FBXO4: variants seen among roughly 807,000 people sequenced by gnomAD.
FBXO4 encodes F-box protein 4, also known as F-box only protein 4.
A neutral mutation model predicts 43.7 loss-of-function variants in FBXO4; 36 were observed. The observed-to-expected ratio is 0.82, with a 90% CI of 0.63 to 1.09. FBXO4 has a LOEUF of 1.09. Ranked by LOEUF, FBXO4 falls within the 50% of genes least tolerant of loss-of-function variation. The probability of loss-of-function intolerance (pLI) is 0.00; values close to 1 mark genes in which losing one functional copy is unlikely to be tolerated. For synonymous variants in FBXO4, 180 were observed against 165.6 expected (o/e 1.09, Z -0.67); for missense variants, 435 against 474.1 (o/e 0.92, Z 0.77).
the FBXO4 span, among the ~76,000 whole-genome samples, chr5:41,997,544 A>T: frequency 6.6e-6 from 1 of 152,284 alleles, no homozygotes; most frequent in African/African-American, 2.4e-5. Flanking sequence ...GTCTATGCCA[A>T]TTATGCATTC....
the FBXO4 span, among the ~76,000 whole-genome samples, chr5:42,004,047 G>GA: frequency 3.9e-5 from 6 of 152,228 alleles, no homozygotes; most frequent in South Asian, 1.2e-3. Context: ...ATGCAGCCAT[G>GA]AAAAAGGATG....
At chr5:41,946,921 A>G in the FBXO4 span, among the ~76,000 whole-genome samples, 1 of 152,238 alleles carries the variant, frequency 6.6e-6, no homozygotes, top group Non-Finnish European at 1.5e-5. Context: ...CAATGCACCC[A>G]TAATTTCAAT....
the FBXO4 span, chr5:41,952,327 T>C: frequency 6.6e-6 from 1 of 152,202 alleles, no homozygotes; most frequent in Non-Finnish European, 1.5e-5. Context: ...ATTCAGAAGA[T>C]ATATTGATCT....
the FBXO4 span, among the ~76,000 whole-genome samples, chr5:42,015,389 C>T: frequency 6.6e-6 from 1 of 152,128 alleles, no homozygotes; most frequent in Non-Finnish European, 1.5e-5. Flanking sequence ...GAGGAGTTGG[C>T]CCCTGGCACA....
chr5:42,008,665 T>C, the FBXO4 span, among the ~76,000 whole-genome samples: 3 of 152,178 alleles, frequency 2.0e-5, no homozygotes, highest in Non-Finnish European at 2.9e-5. Flanking sequence ...AGAAGTGCCT[T>C]AACATGGATT....
chr5:42,019,084 T>G, the FBXO4 span, among the ~76,000 whole-genome samples: 3 of 152,304 alleles, frequency 2.0e-5, no homozygotes, highest in East Asian at 5.8e-4. Context: ...TTAATTTAAT[T>G]TAATTTCAGT....
At chr5:42,037,460 G>C in the FBXO4 span, among the ~76,000 whole-genome samples, 1 of 151,952 alleles carries the variant, frequency 6.6e-6, no homozygotes, top group Non-Finnish European at 1.5e-5. Flanking sequence ...AGGGAAGAAG[G>C]GAGGGGAAAA....
At chr5:42,027,906 A>G in the FBXO4 span, among the ~76,000 whole-genome samples, 5 of 152,024 alleles carry the variant, frequency 3.3e-5, no homozygotes, top group African/African-American at 9.6e-5. Context: ...GCTTGGCATT[A>G]TTTCAATATG....
chr5:42,019,175 A>G, the FBXO4 span, among the ~76,000 whole-genome samples: 1 of 152,192 alleles, frequency 6.6e-6, no homozygotes, highest in African/African-American at 2.4e-5. Context: ...TTTAAGTATA[A>G]TCAAGCATTT....
chr5:42,025,614 C>T, the FBXO4 span, among the ~76,000 whole-genome samples: 1 of 151,570 alleles, frequency 6.6e-6, no homozygotes, highest in African/African-American at 2.4e-5. Context: ...GATTTTTTTT[C>T]CCAGACGAAT....
chr5:42,020,009 G>T, the FBXO4 span, among the ~76,000 whole-genome samples: 2 of 152,112 alleles, frequency 1.3e-5, no homozygotes, highest in South Asian at 4.1e-4. Context: ...CATAAGCAAA[G>T]CATGAACGAC....
chr5:41,972,973 A>G, the FBXO4 span, among the ~76,000 whole-genome samples: 2 of 152,210 alleles, frequency 1.3e-5, no homozygotes, highest in Non-Finnish European at 2.9e-5. Context: ...AAACCCCAAG[A>G]AGAAAACCTA....
At chr5:42,026,420 G>T in the FBXO4 span, among the ~76,000 whole-genome samples, 2 of 151,826 alleles carry the variant, frequency 1.3e-5, no homozygotes, top group Admixed American at 6.6e-5. Flanking sequence ...TTTGCATCCT[G>T]CAACTTTCCT....
chr5:42,004,663 A>G, the FBXO4 span, among the ~76,000 whole-genome samples: 1 of 152,216 alleles, frequency 6.6e-6, no homozygotes, highest in Non-Finnish European at 1.5e-5. Flanking sequence ...TTCAGATAAA[A>G]ATGAATTAGA....
At chr5:41,936,770 A>AG (rs1203775147) in intron 5 of FBXO4, among the ~76,000 whole-genome samples, 2 of 150,104 alleles carry the variant, frequency 1.3e-5, no homozygotes, top group Non-Finnish European at 3.0e-5. Context: ...AAACACAAAG[A>AG]GAAAAAAAAG....
the FBXO4 span, among the ~76,000 whole-genome samples, chr5:42,038,249 G>A: frequency 0.016 from 2,432 of 152,150 alleles, 64 homozygotes; most frequent in African/African-American, 0.054. Context: ...GAAGCAAGAC[G>A]ACACCTTTTA....
chr5:42,019,225 A>G, the FBXO4 span, among the ~76,000 whole-genome samples: 3 of 152,218 alleles, frequency 2.0e-5, no homozygotes, highest in Non-Finnish European at 4.4e-5. Context: ...TGTGCTGTAA[A>G]TATAAAATAC....
the FBXO4 span, among the ~76,000 whole-genome samples, chr5:42,032,618 C>A: frequency 3.3e-5 from 5 of 152,288 alleles, no homozygotes; most frequent in Admixed American, 1.3e-4. Context: ...GAGACTCACG[C>A]TTCAGGACAG....
At chr5:42,002,962 T>C in the FBXO4 span, among the ~76,000 whole-genome samples, 1 of 152,222 alleles carries the variant, frequency 6.6e-6, no homozygotes, top group Non-Finnish European at 1.5e-5. Flanking sequence ...TAGATTGTAT[T>C]TCTATAATGG....
Sources: gnomAD v4.1 joint callset for allele counts (sites outside exome capture counted in the v4.1 genomes callset) on GRCh38, gnomAD v4.1.1 for gene constraint, MANE v1.5 for transcripts, NCBI Gene and HGNC (gene_info 2026-07-23, HGNC 2026-07-21) for gene names.